The following BCAS3 variants were observed in gnomAD, a reference collection of about 807,000 sequenced individuals.
BCAS3 encodes BCAS4/BCAS3 fusion.
BCAS3 carries 53 observed loss-of-function variants against 116.1 expected under a neutral mutation model. That is an observed-to-expected ratio of 0.46 (90% CI 0.37 to 0.57). The LOEUF (loss-of-function observed/expected upper bound fraction) is 0.57. Ranked by LOEUF, BCAS3 falls within the 20% of genes least tolerant of loss-of-function variation. The pLI is 0.00. For missense variants in BCAS3, 917 were observed against 1,165.4 expected (o/e 0.79, Z 3.10); for synonymous variants, 391 against 408.2 (o/e 0.96, Z 0.51).
At chr17:61,320,041 C>T (rs934255614) in intron 22 of BCAS3, among the ~76,000 whole-genome samples, 1 of 151,726 alleles carries the variant, frequency 6.6e-6, no homozygotes, top group African/African-American at 2.4e-5. Context: ...AGGCTCGTGC[C>T]GCCACACCCA....
At chr17:61,308,378 TC>T (rs1216138008) in intron 22 of BCAS3, among the ~76,000 whole-genome samples, 2 of 33,940 alleles carry the variant, frequency 5.9e-5, no homozygotes, top group Non-Finnish European at 1.1e-4. Flanking sequence ...TCCCACCCCA[TC>T]CCCCTCACCG....
At chr17:61,039,437 T>C (rs1389416375) in intron 18 of BCAS3, among the ~76,000 whole-genome samples, 1 of 152,086 alleles carries the variant, frequency 6.6e-6, no homozygotes, top group Non-Finnish European at 1.5e-5. Flanking sequence ...TTTTTTTTTT[T>C]CCTGAGATGG....
At position 61,128,960 on chromosome 17, in the gene BCAS3, G is replaced by A. The variant is rs752550527; in HGVS notation, c.2425+44396G>A. Among the ~76,000 whole-genome samples, 9 of 152,210 alleles carry A rather than the reference G, an allele frequency of 5.9e-5. No individual in the cohort carries two copies. Among genetic ancestry groups the A allele is most frequent in the Non-Finnish European group, 8.8e-5 (6 of 68,040 alleles). On this transcript the variant is annotated intron_variant, in intron 22 of 23. Transcript: ENST00000407086. This position sits in a 1 kb window ranked among gnomAD's most constrained non-coding sequence, Gnocchi z 4.1. The stretch of plus-strand genomic sequence containing the variant: ...GGAGAGGGGGACAGGGCTATATTGA[G>A]TTCTCCGCAGTTTTCTAACAGAGAG...
intron 19 of BCAS3, among the ~76,000 whole-genome samples, chr17:61,062,959 A>G (rs1255413243): frequency 6.6e-6 from 1 of 152,178 alleles, no homozygotes; most frequent in Non-Finnish European, 1.5e-5. Flanking sequence ...ATGAGCAAGA[A>G]TATTGTTGTG....
At position 61,311,881 on chromosome 17, in the gene BCAS3, G is replaced by A. The variant is rs985395537; in HGVS notation, c.2426-56446G>A. Reference sequence around the variant, plus strand: ...TGCACTCCAGCCTGGGTGACAGAGCGAGACTCCATCTCAAAAAAAAGCATA... The same window carrying A: ...TGCACTCCAGCCTGGGTGACAGAGCAAGACTCCATCTCAAAAAAAAGCATA... On this transcript the variant is annotated intron_variant, in intron 22 of 23. Coordinates refer to ENST00000407086, the MANE Select transcript of BCAS3 (RefSeq NM_017679.5). 6.1e-5 allele frequency among the ~76,000 whole-genome samples: 9 copies of A among 147,208 alleles called. 1 individual carries two copies. The highest frequency in any genetic ancestry group is 2.4e-4 in the African/African-American group (9 of 37,218).
At position 61,008,572 on chromosome 17, in the gene BCAS3, G is replaced by A. The variant is rs1415034315; in HGVS notation, c.1487-7179G>A. 6.6e-6 allele frequency among the ~76,000 whole-genome samples: 1 copy of A among 151,354 alleles called. No homozygotes were observed. Among genetic ancestry groups the A allele is most frequent in the African/African-American group, 2.4e-5 (1 of 40,910 alleles). ...AAGAAGTCAGAGCTTTTCAACTACA[G>A]AATTAACTTAGTTAAACTCCTTGGT... On this transcript the variant is annotated intron_variant, in intron 15 of 23. Coordinates refer to ENST00000407086, the MANE Select transcript of BCAS3 (RefSeq NM_017679.5). The surrounding 1 kb of genome is among the most constrained non-coding windows in gnomAD (Gnocchi z 4.6).
chr17:60,812,702 C>A (rs368971735), intron 7 of BCAS3, among the ~76,000 whole-genome samples: 1 of 152,002 alleles, frequency 6.6e-6, no homozygotes, highest in African/African-American at 2.4e-5. Flanking sequence ...TACATATATA[C>A]ATATGTACAG....
At chr17:61,311,275 A>G (rs534611570) in intron 22 of BCAS3, among the ~76,000 whole-genome samples, 4 of 152,332 alleles carry the variant, frequency 2.6e-5, no homozygotes, top group Admixed American at 6.5e-5. Flanking sequence ...TTTCCATATC[A>G]GCACATGTAG....
At chr17:61,002,408 C>T (rs763204332) in intron 15 of BCAS3, 3 of 151,920 alleles carry the variant, frequency 2.0e-5, no homozygotes, top group Non-Finnish European at 4.4e-5. Context: ...ATCATAAACT[C>T]CAGATTTCAA....
At chr17:60,859,648 A>C (rs2053990440) in intron 7 of BCAS3, among the ~76,000 whole-genome samples, 1 of 150,854 alleles carries the variant, frequency 6.6e-6, no homozygotes. Flanking sequence ...AGCTCACTGC[A>C]ACCTCCACCT....
Position 61,276,263 on chromosome 17 carries a change from G to T in BCAS3, c.2426-92064G>T, listed in dbSNP as rs2050749910. Among the ~76,000 whole-genome samples the T allele has an allele frequency of 6.6e-6, 1 of 152,062 alleles. No individual in the cohort carries two copies. The highest frequency in any genetic ancestry group is 2.4e-5 in the African/African-American group (1 of 41,406). On this transcript the variant is annotated intron_variant, in intron 22 of 23. Transcript: ENST00000407086. This position sits in a 1 kb window ranked among gnomAD's most constrained non-coding sequence, Gnocchi z 4.2. ...AGCTACTTGGGAGAGTGAGGCAGGA[G>T]AATCGCTTGAACCTGGGAGGCAGAG...
chr17:61,261,607 A>G lies in BCAS3; in HGVS notation c.2426-106720A>G, dbSNP rs2049211152. Reference sequence around the variant, plus strand: ...GTTTCAAAAGCTAAAATGGTAAATCATGTGGTGTTTGATGTGACCATCTCC... The same window carrying G: ...GTTTCAAAAGCTAAAATGGTAAATCGTGTGGTGTTTGATGTGACCATCTCC... On this transcript the variant is annotated intron_variant, in intron 22 of 23. Transcript: ENST00000407086. This position sits in a 1 kb window ranked among gnomAD's most constrained non-coding sequence, Gnocchi z 4.4. 6.6e-6 allele frequency among the ~76,000 whole-genome samples: 1 copy of G among 152,326 alleles called. No individual in the cohort carries two copies. The highest frequency in any genetic ancestry group is 2.1e-4 in the South Asian group (1 of 4,820).
At position 61,019,393 on chromosome 17, in the gene BCAS3, T is replaced by C. The variant is rs912978710; in HGVS notation, c.1637+3492T>C. Among the ~76,000 whole-genome samples the C allele has an allele frequency of 2.0e-5, 3 of 152,198 alleles. No individual in the cohort carries two copies. The highest frequency in any genetic ancestry group is 2.4e-5 in the African/African-American group (1 of 41,460). On this transcript the variant is annotated intron_variant, in intron 16 of 23. Transcript: ENST00000407086. The surrounding 1 kb of genome is among the most constrained non-coding windows in gnomAD (Gnocchi z 5.6). Reference sequence around the variant, plus strand: ...AGCCACTCTCTGAAGAGTTTGTTGATTATACCTGGAAACTACTATTGACTT... The same window carrying C: ...AGCCACTCTCTGAAGAGTTTGTTGACTATACCTGGAAACTACTATTGACTT...
At position 61,265,046 on chromosome 17, in the gene BCAS3, T is replaced by G. The variant is rs774606014; in HGVS notation, c.2426-103281T>G. ...CTGTTTATTTTTATTAGCTGTGTAA[T>G]CTTATATAAATTATTTAACATTAGT... is the stretch of plus-strand genomic sequence containing the variant. On this transcript the variant is annotated intron_variant, in intron 22 of 23. Coordinates refer to ENST00000407086, the MANE Select transcript of BCAS3 (RefSeq NM_017679.5). The surrounding 1 kb of genome is among the most constrained non-coding windows in gnomAD (Gnocchi z 4.3). 3.3e-5 allele frequency among the ~76,000 whole-genome samples: 5 copies of G among 152,228 alleles called. No individual in the cohort carries two copies. The highest frequency in any genetic ancestry group is 5.9e-5 in the Non-Finnish European group (4 of 68,050).
intron 19 of BCAS3, among the ~76,000 whole-genome samples, chr17:61,045,162 T>C (rs2067928622): frequency 6.6e-6 from 1 of 152,046 alleles, no homozygotes; most frequent in South Asian, 2.1e-4. Context: ...AATGATAGAC[T>C]TCTGGGACTT....
chr17:60,769,784 T>A (rs1329692211), intron 6 of BCAS3, among the ~76,000 whole-genome samples: 1 of 152,006 alleles, frequency 6.6e-6, no homozygotes, highest in Non-Finnish European at 1.5e-5. Context: ...ATTTTTTTTT[T>A]ATTTTTTGGA....
chr17:61,271,249 T>G (rs2050221342), intron 22 of BCAS3, among the ~76,000 whole-genome samples: 2 of 146,488 alleles, frequency 1.4e-5, no homozygotes, highest in South Asian at 2.3e-4. Flanking sequence ...TGCCTCAGCC[T>G]CCCAAGTAGC....
intron 6 of BCAS3, among the ~76,000 whole-genome samples, chr17:60,749,238 T>A (rs566537069): frequency 6.6e-6 from 1 of 152,352 alleles, no homozygotes; most frequent in East Asian, 1.9e-4. Context: ...TGATTGATTG[T>A]TTGGCTGGAT....
rs112384156 is a variant in BCAS3, at chr17:61,108,273, C to T, written c.2425+23709C>T. ...TAACTTTTACGTGATATATCTTTTT[C>T]TAACATTTTAGTTTCAGTGTGTCTG... On this transcript the variant is annotated intron_variant, in intron 22 of 23. Coordinates refer to ENST00000407086, the MANE Select transcript of BCAS3 (RefSeq NM_017679.5). 4.1e-3 allele frequency among the ~76,000 whole-genome samples: 629 copies of T among 152,146 alleles called. 6 individuals carry two copies. Among genetic ancestry groups the T allele is most frequent in the African/African-American group, 0.014 (582 of 41,520 alleles).
Sources: allele counts gnomAD v4.1 joint callset (sites outside exome capture counted in the v4.1 genomes callset), GRCh38; gene constraint gnomAD v4.1.1; non-coding constraint Gnocchi (gnomAD v3.1); transcripts MANE v1.5; gene names NCBI Gene and HGNC (gene_info 2026-07-23, HGNC 2026-07-21).